ANKRD36: variants seen among roughly 807,000 people sequenced by gnomAD.
ANKRD36 encodes ankyrin repeat domain-containing protein 36A.
ANKRD36 carries 179 observed loss-of-function variants against 278.1 expected under a neutral mutation model. That is an observed-to-expected ratio of 0.64 (90% CI 0.57 to 0.73). The LOEUF is 0.73. Among genes scored for constraint, ANKRD36 ranks in the 30% least tolerant of loss-of-function variants. ANKRD36 has a pLI of 0.00. For synonymous variants in ANKRD36, 320 were observed against 641.1 expected, an observed-to-expected ratio of 0.50 and a Z score of 7.57; for missense variants, 1,159 against 1,956.7, an observed-to-expected ratio of 0.59 and a Z score of 7.69.
In ANKRD36 at chr2:97,142,762, G is replaced by A; in HGVS notation, c.829-1G>A. Reference sequence around the variant, plus strand: ...ATTATTTTGTTTCAAATCCCACTCAGGCTACAAGTGGCAAGGAAGATTCTA... The same window carrying A: ...ATTATTTTGTTTCAAATCCCACTCAAGCTACAAGTGGCAAGGAAGATTCTA... On this transcript the variant is annotated splice_acceptor_variant, in intron 7 of 75. Coordinates refer to ENST00000420699, the MANE Select transcript of ANKRD36 (RefSeq NM_001354587.1). LOFTEE classifies it high-confidence loss of function. The A allele has an allele frequency of 6.3e-7, 1 of 1,588,598 alleles. No homozygotes were observed. The highest frequency in any genetic ancestry group is 1.1e-5 in the South Asian group (1 of 88,706).
chr2:97,197,510 T>C (rs1325184446), intron 42 of ANKRD36, among the ~76,000 whole-genome samples: 1 of 151,918 alleles, frequency 6.6e-6, no homozygotes, highest in Non-Finnish European at 1.5e-5. Context: ...GAGACAAGCT[T>C]AAATCTGAAT....
In ANKRD36 at chr2:97,212,986, G is replaced by C. The variant is rs2065071779; in HGVS notation, c.3470-433G>C. On this transcript the variant is annotated intron_variant, in intron 58 of 75. Coordinates refer to ENST00000420699, the MANE Select transcript of ANKRD36 (RefSeq NM_001354587.1). ...GTGTGCCTTCTCAGTTATTGGGCAA[G>C]TTAAAGAGCATGATGAATGTTTGTA... 3 of 345,482 alleles carry C rather than the reference G, an allele frequency of 8.7e-6. No individual in the cohort carries two copies. In the South Asian group the frequency reaches 9.3e-5, roughly 11 times the overall value. The allele number at this position is 345,482 out of a possible 1,614,324, so 21.4% of individuals were successfully genotyped here.
At chr2:97,206,364 T>TG (rs1454888089) in intron 52 of ANKRD36, among the ~76,000 whole-genome samples, 3 of 151,556 alleles carry the variant, frequency 2.0e-5, no homozygotes, top group African/African-American at 7.2e-5. Flanking sequence ...AGAAGATATA[T>TG]GGAGAGCAGT....
intron 11 of ANKRD36, 21 bp from the exon 12 acceptor site, chr2:97,149,274 T>C (rs1399480770): frequency 7.9e-6 from 12 of 1,528,382 alleles, no homozygotes; most frequent in South Asian, 7.2e-5. Context: ...CTCATTTTTG[T>C]AATATCTTTT....
chr2:97,170,957 T>C (rs1459643448), intron 22 of ANKRD36, among the ~76,000 whole-genome samples: 5 of 150,828 alleles, frequency 3.3e-5, no homozygotes, highest in African/African-American at 7.3e-5. Context: ...AAAATGCTCA[T>C]CATCACTGGC....
chr2:97,202,039 G>A (rs2061517327), intron 46 of ANKRD36, among the ~76,000 whole-genome samples, 163 bp from the exon 47 acceptor site: 1 of 151,904 alleles, frequency 6.6e-6, no homozygotes, highest in African/African-American at 2.4e-5. Context: ...GCTTTTCTCA[G>A]TGTATTTCTG....
chr2:97,143,396 G>A (rs555765986), intron 8 of ANKRD36, among the ~76,000 whole-genome samples: 1 of 152,234 alleles, frequency 6.6e-6, no homozygotes, highest in South Asian at 2.1e-4. Flanking sequence ...TGGAATATTT[G>A]CATAGAAGAA....
In ANKRD36 at chr2:97,211,585, T is replaced by C; in HGVS notation, c.3396+11T>C. The C allele has an allele frequency of 6.2e-7, 1 of 1,607,100 alleles. No individual in the cohort carries two copies. Among genetic ancestry groups the C allele is most frequent in the South Asian group, 1.1e-5 (1 of 90,564 alleles). ...CAACCAGCATTGAAGGTAATTAAGC[T>C]CTCATTTATATTTTGAACTATTAAC... On this transcript the variant is annotated intron_variant, in intron 57 of 75. Coordinates refer to ENST00000420699, the MANE Select transcript of ANKRD36 (RefSeq NM_001354587.1).
intron 20 of ANKRD36, among the ~76,000 whole-genome samples, chr2:97,165,067 T>A (rs201554694): frequency 0.013 from 1,121 of 85,002 alleles, no homozygotes; most frequent in East Asian, 0.026. Context: ...CTTCTACTAC[T>A]ATTTATTGCC....
intron 67 of ANKRD36, among the ~76,000 whole-genome samples, chr2:97,226,319 A>G (rs1211190085): frequency 1.3e-5 from 2 of 152,036 alleles, no homozygotes; most frequent in African/African-American, 4.8e-5. Flanking sequence ...TTGCCATCCT[A>G]ACTGGTGTGA....
intron 1 of ANKRD36, among the ~76,000 whole-genome samples, chr2:97,116,115 T>G (rs1424554726): frequency 1.3e-5 from 2 of 152,184 alleles, no homozygotes; most frequent in African/African-American, 2.4e-5. Flanking sequence ...AGGTGTATTG[T>G]GATATTTTCT....
At chr2:97,126,494 A>T (rs1021374287) in intron 5 of ANKRD36, among the ~76,000 whole-genome samples, 1 of 152,000 alleles carries the variant, frequency 6.6e-6, no homozygotes, top group African/African-American at 2.4e-5. Context: ...ATAAGCCACA[A>T]ATAATAGAAC....
In ANKRD36 at chr2:97,203,678, CT is replaced by C. The variant is rs542210403; in HGVS notation, c.2960-385del. Among the ~76,000 whole-genome samples the C allele has an allele frequency of 7.9e-5, 12 of 151,886 alleles. 1 individual carries two copies. In the South Asian group the frequency reaches 2.3e-3, roughly 29 times the overall value. The stretch of plus-strand genomic sequence containing the variant: ...TGTTTGTAGTATAATGGTGTAAATC[CT>C]TTTTATTTCCTGTATGAAAGACATG... On this transcript the variant is annotated intron_variant, in intron 48 of 75. Coordinates refer to ENST00000420699, the MANE Select transcript of ANKRD36 (RefSeq NM_001354587.1).
intron 50 of ANKRD36, among the ~76,000 whole-genome samples, chr2:97,205,466 G>A (rs1013628072): frequency 2.6e-5 from 4 of 151,506 alleles, no homozygotes; most frequent in Non-Finnish European, 5.9e-5. Flanking sequence ...TTCAACTGAA[G>A]CATCATCGCA....
At chr2:97,199,101 C>T (rs1030677373) in intron 44 of ANKRD36, among the ~76,000 whole-genome samples, 3 of 151,884 alleles carry the variant, frequency 2.0e-5, no homozygotes, top group Non-Finnish European at 2.9e-5. Context: ...CAACTATTTT[C>T]CTAAGGAAGA....
At chr2:97,136,325 C>T (rs528833604) in intron 6 of ANKRD36, among the ~76,000 whole-genome samples, 3 of 151,090 alleles carry the variant, frequency 2.0e-5, no homozygotes, top group Non-Finnish European at 4.4e-5. Flanking sequence ...ACTTTCCCCC[C>T]GTATCTTGCA....
chr2:97,212,451 T>A (rs2064920062), intron 58 of ANKRD36, among the ~76,000 whole-genome samples: 1 of 151,908 alleles, frequency 6.6e-6, no homozygotes, highest in Non-Finnish European at 1.5e-5. Flanking sequence ...TTGATTTCAG[T>A]TATAAAACTG....
chr2:97,206,142 C>G lies in ANKRD36; in HGVS notation c.3163+7C>G. The G allele has an allele frequency of 6.5e-7, 1 of 1,531,428 alleles. No individual in the cohort carries two copies. The highest frequency in any genetic ancestry group is 8.8e-7 in the Non-Finnish European group (1 of 1,141,234). The allele number at this position is 1,531,428 out of a possible 1,614,324, so 94.9% of individuals were successfully genotyped here. On this transcript the variant is annotated splice_region_variant and intron_variant, in intron 52 of 75. Transcript: ENST00000420699. ...GGAGAAAAATCTAGGACAGGTAATT[C>G]TGAAAACAGATTTAATGCCATGTTC...
rs1487480936 is a variant in ANKRD36, at chr2:97,244,038, A to C, written c.4491+9A>C. 5 of 1,541,866 alleles carry C rather than the reference A, an allele frequency of 3.2e-6. No individual in the cohort carries two copies. In the South Asian group the frequency reaches 3.6e-5, roughly 11 times the overall value. ...GAAATAATTCAAATCAGGTAAATTA[A>C]TGTTTGGTAAAACTTCATATTTCTA... is the stretch of plus-strand genomic sequence containing the variant. On this transcript the variant is annotated intron_variant, in intron 70 of 75. Transcript: ENST00000420699.
Sources: allele counts gnomAD v4.1 joint callset (sites outside exome capture counted in the v4.1 genomes callset), GRCh38; gene constraint gnomAD v4.1.1; transcripts MANE v1.5; gene names NCBI Gene and HGNC (gene_info 2026-07-23, HGNC 2026-07-21).